Variants in CLTCL1 observed in about 807,000 individuals in gnomAD.
CLTCL1 encodes clathrin heavy chain like 1.
CLTCL1 carries 159 observed loss-of-function variants against 190.0 expected under a neutral mutation model. The ratio of observed to expected loss-of-function variants is 0.84; its 90% CI spans 0.74 to 0.95. The LOEUF is 0.95. CLTCL1 is among the 40% of genes least tolerant of loss of function. The pLI is 0.00. For missense variants in CLTCL1, 1,878 were observed against 2,033.4 expected (o/e 0.92, Z 1.47); for synonymous variants, 752 against 769.6 (o/e 0.98, Z 0.38).
intron 2 of CLTCL1, among the ~76,000 whole-genome samples, chr22:19,269,547 A>T (rs1601702148): frequency 6.6e-6 from 1 of 152,246 alleles, no homozygotes; most frequent in African/African-American, 2.4e-5. Flanking sequence ...CCAAATGCCC[A>T]TCAGTGATGG....
At chr22:19,206,438 G>A (rs1030304570) in intron 22 of CLTCL1, among the ~76,000 whole-genome samples, 3 of 152,048 alleles carry the variant, frequency 2.0e-5, no homozygotes, top group Non-Finnish European at 2.9e-5. Context: ...AGAGATGGGG[G>A]TCTCACTATG....
At chr22:19,230,098 G>GTT (rs34894771) in intron 10 of CLTCL1, 123 bp from the exon 11 acceptor site, 13 of 686,674 alleles carry the variant, frequency 1.9e-5, no homozygotes, top group South Asian at 2.7e-5. Context: ...CCCTCCCTTG[G>GTT]TTTTTTTTTT....
intron 1 of CLTCL1, 127 bp downstream of exon 1, chr22:19,291,473 A>C: frequency 4.6e-6 from 4 of 873,236 alleles, no homozygotes; most frequent in Non-Finnish European, 6.0e-6. Context: ...CCCAGGTGGG[A>C]GGTCGGAAAT....
At chr22:19,255,909 C>CAAA (rs545204392) in intron 2 of CLTCL1, among the ~76,000 whole-genome samples, 4 of 72,554 alleles carry the variant, frequency 5.5e-5, no homozygotes, top group South Asian at 8.8e-4. Context: ...GACTCTGTCT[C>CAAA]AAAAAAAAAA....
rs201249710 is a variant in CLTCL1, at chr22:19,211,847, CA to C, written c.3066-1339del. Among the ~76,000 whole-genome samples the C allele has an allele frequency of 4.4e-3, 453 of 102,496 alleles. 1 individual carries two copies. Among genetic ancestry groups the C allele is most frequent in the East Asian group, 0.027 (103 of 3,874 alleles). The allele number at this position is 102,496 out of a possible 152,430, so 67.2% of individuals were successfully genotyped here. On this transcript the variant is annotated intron_variant, in intron 19 of 32. Transcript: ENST00000427926. ...GATTAAAAAAAACTGAAGAAATCTA[CA>C]AAAAAAAAAAAATCCAATAAATGAG...
intron 13 of CLTCL1, among the ~76,000 whole-genome samples, chr22:19,225,015 C>G (rs782639286): frequency 6.6e-6 from 1 of 152,208 alleles, no homozygotes; most frequent in Admixed American, 6.5e-5. Flanking sequence ...GTCAGCCCCC[C>G]ACAATCAACT....
At chr22:19,229,599 A>G (rs782521414) in intron 11 of CLTCL1, among the ~76,000 whole-genome samples, 1 of 152,242 alleles carries the variant, frequency 6.6e-6, no homozygotes, top group Admixed American at 6.5e-5. Flanking sequence ...TTTTACCACA[A>G]TGAAAAAAAG....
intron 26 of CLTCL1, among the ~76,000 whole-genome samples, chr22:19,195,701 C>T (rs2084675432): frequency 1.3e-5 from 2 of 152,110 alleles, no homozygotes; most frequent in Admixed American, 1.3e-4. Context: ...AACAAAATAA[C>T]AAAGGCTCAC....
At chr22:19,269,106 A>G (rs1425294592) in intron 2 of CLTCL1, among the ~76,000 whole-genome samples, 4 of 150,978 alleles carry the variant, frequency 2.6e-5, no homozygotes, top group African/African-American at 9.7e-5. Context: ...AAAAAAGAAG[A>G]AAAAAAGCTA....
chr22:19,255,766 C>T lies in CLTCL1; in HGVS notation c.251-1539G>A, dbSNP rs5992382. Among the ~76,000 whole-genome samples the T allele has an allele frequency of 3.6e-3, 549 of 151,318 alleles. 4 individuals carry two copies. Among genetic ancestry groups the T allele is most frequent in the African/African-American group, 0.013 (515 of 41,184 alleles). On this transcript the variant is annotated intron_variant, in intron 2 of 32. Coordinates refer to ENST00000427926, the MANE Select transcript of CLTCL1 (RefSeq NM_007098.4). ...CTCTACTAAAAATACGAAAATTAGC[C>T]GGGCATGGTGGCACACTCCTGTAAT...
intron 22 of CLTCL1, chr22:19,207,760 G>A (rs1022438747): frequency 2.7e-5 from 14 of 528,108 alleles, no homozygotes; most frequent in Non-Finnish European, 4.3e-5. Context: ...TTCTCACAGA[G>A]CACAAACCCT....
chr22:19,273,422 G>A (rs1192478536), intron 2 of CLTCL1, among the ~76,000 whole-genome samples: 9 of 152,036 alleles, frequency 5.9e-5, no homozygotes, highest in African/African-American at 1.7e-4. Flanking sequence ...CATTAAGAAC[G>A]AAAATAAAAA....
chr22:19,277,844 G>A (rs1241780273), intron 1 of CLTCL1, among the ~76,000 whole-genome samples: 2 of 152,062 alleles, frequency 1.3e-5, no homozygotes, highest in Admixed American at 1.3e-4. Flanking sequence ...ACAGGTTGAG[G>A]GCTCAGTCCC....
intron 29 of CLTCL1, chr22:19,184,371 G>C: frequency 2.4e-6 from 1 of 424,154 alleles, no homozygotes; most frequent in Non-Finnish European, 4.8e-6. Flanking sequence ...AGCTCTGCAT[G>C]CCTGCCATCG....
intron 19 of CLTCL1, among the ~76,000 whole-genome samples, chr22:19,211,766 CAAAAAAAA>C (rs66494838): frequency 1.2e-4 from 5 of 42,708 alleles, no homozygotes; most frequent in Non-Finnish European, 1.9e-4. Context: ...GATTGCATCT[CAAAAAAAA>C]AAAAAAAAAC....
At chr22:19,184,210 T>G (rs1388982442) in intron 29 of CLTCL1, 1 of 304,290 alleles carries the variant, frequency 3.3e-6, no homozygotes, top group Non-Finnish European at 6.5e-6. Context: ...ATCACCTGAT[T>G]CCTTCTATGG....
At chr22:19,220,522 G>T (rs1327770136) in intron 17 of CLTCL1, among the ~76,000 whole-genome samples, 2 of 152,226 alleles carry the variant, frequency 1.3e-5, no homozygotes, top group Admixed American at 1.3e-4. Flanking sequence ...TTCACTGGTA[G>T]ATCTGGAGAC....
chr22:19,216,035 A>T, intron 19 of CLTCL1, 76 bp downstream of exon 19: 1 of 1,445,352 alleles, frequency 6.9e-7, no homozygotes, highest in South Asian at 1.3e-5. Context: ...GCGGTACGAG[A>T]TTGTAACAGA....
intron 18 of CLTCL1, among the ~76,000 whole-genome samples, 181 bp downstream of exon 18, chr22:19,219,704 G>A (rs1015188095): frequency 2.6e-5 from 4 of 151,936 alleles, no homozygotes; most frequent in Non-Finnish European, 4.4e-5. Context: ...GGCTGGTCTT[G>A]AATTCCTGAG....
Sources: allele counts gnomAD v4.1 joint callset (sites outside exome capture counted in the v4.1 genomes callset), GRCh38; gene constraint gnomAD v4.1.1; transcripts MANE v1.5; gene names NCBI Gene and HGNC (gene_info 2026-07-23, HGNC 2026-07-21).